Variants in CHMP4C observed in about 807,000 individuals in gnomAD.
CHMP4C encodes SNF7 homolog associated with Alix 3.
Under a neutral mutation model 29.0 loss-of-function variants are expected in CHMP4C, and 28 were observed. That is an observed-to-expected ratio of 0.97 (90% confidence interval 0.72 to 1.32). CHMP4C has a LOEUF of 1.32. Among genes scored for constraint, CHMP4C ranks in the 40% most tolerant of loss-of-function variants. The probability of loss-of-function intolerance (pLI) is 0.00; values close to 1 mark genes in which losing one functional copy is unlikely to be tolerated. For synonymous variants in CHMP4C, 106 were observed against 102.4 expected (o/e 1.04, Z -0.21); for missense variants, 291 against 281.0 (o/e 1.04, Z -0.25).
chr8:81,735,047 C>T (rs924767614), intron 1 of CHMP4C, among the ~76,000 whole-genome samples: 5 of 152,044 alleles, frequency 3.3e-5, no homozygotes, highest in African/African-American at 9.7e-5. Flanking sequence ...GCGTGCACCA[C>T]CATGCCCAGC....
chr8:81,739,151 C>T (rs1443400460), intron 1 of CHMP4C, among the ~76,000 whole-genome samples: 2 of 135,274 alleles, frequency 1.5e-5, no homozygotes, highest in Non-Finnish European at 3.1e-5. Flanking sequence ...GGCTGGAGTA[C>T]AGTGGCCTGA....
At position 81,750,218 on chromosome 8, in the gene CHMP4C, A is replaced by C. The variant is rs543856179; in HGVS notation, c.191-2846A>C. The stretch of plus-strand genomic sequence containing the variant: ...AAGTTAGAAACATAATCTTTTAAAA[A>C]AGGGTAAAAAAGTAGAATGAATATA... On this transcript the variant is annotated intron_variant, in intron 1 of 4. Coordinates refer to ENST00000297265, the MANE Select transcript of CHMP4C (RefSeq NM_152284.4). Among the ~76,000 whole-genome samples, 16 of 152,296 alleles carry C rather than the reference A, an allele frequency of 1.1e-4. 1 individual carries two copies. In the South Asian group the frequency reaches 3.3e-3, roughly 32 times the overall value.
chr8:81,752,919 G>A, intron 1 of CHMP4C, 145 bp from the exon 2 acceptor site: 2 of 533,218 alleles, frequency 3.8e-6, no homozygotes, highest in Non-Finnish European at 6.4e-6. Context: ...AGGACAATAT[G>A]AGTTGTTTAT....
intron 1 of CHMP4C, among the ~76,000 whole-genome samples, chr8:81,752,392 T>A (rs763378246): frequency 1.3e-5 from 2 of 152,152 alleles, no homozygotes; most frequent in Non-Finnish European, 2.9e-5. Flanking sequence ...GTTATCTTGT[T>A]AAAATGTTAA....
rs138129124 is a variant in CHMP4C at position 81,750,853 on chromosome 8, C to G, written c.191-2211C>G. Among the ~76,000 whole-genome samples, 612 of 152,032 alleles carry G rather than the reference C, an allele frequency of 4.0e-3. 23 individuals are homozygous for G. The highest frequency in any genetic ancestry group is 0.036 in the Admixed American group (546 of 15,246). On this transcript the variant is annotated intron_variant, in intron 1 of 4. Transcript: ENST00000297265. ...TGAGCCTTCAGACCGAAAATACTCA[C>G]CGAATGCTCAGTTGGAAAAAGCAAA... is the stretch of plus-strand genomic sequence containing the variant.
At chr8:81,737,732 A>G (rs753453851) in intron 1 of CHMP4C, among the ~76,000 whole-genome samples, 2 of 152,182 alleles carry the variant, frequency 1.3e-5, no homozygotes, top group Non-Finnish European at 2.9e-5. Context: ...CATAATGGCA[A>G]CGATGACATA....
In CHMP4C at chr8:81,743,550, G is replaced by T. The variant is rs189945627; in HGVS notation, c.191-9514G>T. Among the ~76,000 whole-genome samples, 31 of 152,130 alleles carry T rather than the reference G, an allele frequency of 2.0e-4. 1 individual carries two copies. The East Asian group carries it at 5.6e-3, about 27-fold the overall frequency. ...TAAAATAGATTTTAATTAGTGTATT[G>T]GTATGTTGGTCAAATATGTTAATTT... is the stretch of plus-strand genomic sequence containing the variant. On this transcript the variant is annotated intron_variant, in intron 1 of 4. Transcript: ENST00000297265.
chr8:81,748,114 G>T (rs938223203), intron 1 of CHMP4C, among the ~76,000 whole-genome samples: 1 of 152,124 alleles, frequency 6.6e-6, no homozygotes, highest in Non-Finnish European at 1.5e-5. Flanking sequence ...AGAATTCAGC[G>T]ATATTTCTCC....
chr8:81,737,729 G>A (rs1808711186), intron 1 of CHMP4C, among the ~76,000 whole-genome samples: 1 of 152,074 alleles, frequency 6.6e-6, no homozygotes, highest in African/African-American at 2.4e-5. Context: ...CTGCATAATG[G>A]CAACGATGAC....
In CHMP4C at chr8:81,758,635, G is replaced by A; in HGVS notation, c.*91G>A. The A allele has an allele frequency of 1.2e-6, 1 of 847,766 alleles. No homozygotes were observed. The highest frequency in any genetic ancestry group is 1.9e-6 in the Non-Finnish European group (1 of 517,886). The allele number at this position is 847,766 out of a possible 1,614,324, so 52.5% of individuals were successfully genotyped here. On this transcript the variant is annotated 3_prime_UTR_variant, in exon 5 of 5. Transcript: ENST00000297265. ...AAGTTCAGAAGTTAACAAAGACTCTGCTTTATAATTATATTGAATGAATAA... is the reference window on the plus strand; with the variant it reads ...AAGTTCAGAAGTTAACAAAGACTCTACTTTATAATTATATTGAATGAATAA...
At chr8:81,736,410 C>T (rs1488264156) in intron 1 of CHMP4C, among the ~76,000 whole-genome samples, 2 of 152,096 alleles carry the variant, frequency 1.3e-5, no homozygotes, top group Non-Finnish European at 2.9e-5. Context: ...ATTCTCTTGC[C>T]TCATCCTCCC....
intron 3 of CHMP4C, among the ~76,000 whole-genome samples, chr8:81,757,708 C>T (rs1436647685): frequency 6.6e-6 from 1 of 152,174 alleles, no homozygotes; most frequent in Non-Finnish European, 1.5e-5. Flanking sequence ...ATTCCTTTTA[C>T]TTTCTGTACG....
At position 81,752,799 on chromosome 8, in the gene CHMP4C, A is replaced by G. The variant is rs10097287; in HGVS notation, c.191-265A>G. Among the ~76,000 whole-genome samples, 1,506 of 152,248 alleles carry G rather than the reference A, an allele frequency of 9.9e-3. 25 individuals are homozygous for G. The highest frequency in any genetic ancestry group is 0.034 in the African/African-American group (1,422 of 41,556). Reference sequence around the variant, plus strand: ...CATTGACAAAACATTTCTTTGGCATATGTTTTGGAATAGGAAAACTGACTT... The same window carrying G: ...CATTGACAAAACATTTCTTTGGCATGTGTTTTGGAATAGGAAAACTGACTT... On this transcript the variant is annotated intron_variant, in intron 1 of 4. Transcript: ENST00000297265.
rs1554592453 is a variant in CHMP4C, at chr8:81,739,420, G to GC, written c.190+6604_190+6605insC. On this transcript the variant is annotated intron_variant, in intron 1 of 4. Transcript: ENST00000297265. ...GTATTCTAAGGCCTGGGGGATTGTG[G>GC]GGGGGGGTGGAAAAAAAAAAAGTCT... is the stretch of plus-strand genomic sequence containing the variant. Among the ~76,000 whole-genome samples the GC allele has an allele frequency of 2.2e-5, 3 of 135,052 alleles. 1 individual carries two copies. The highest frequency in any genetic ancestry group is 3.2e-5 in the African/African-American group (1 of 30,862). 88.6% of individuals were successfully genotyped at this position (135,052 alleles called of 152,430 possible). A position where few individuals can be genotyped will look rare whatever the true frequency, so the allele number is the denominator to read the frequency against.
intron 1 of CHMP4C, among the ~76,000 whole-genome samples, chr8:81,733,591 G>A (rs774517867): frequency 6.6e-6 from 1 of 151,894 alleles, no homozygotes; most frequent in Non-Finnish European, 1.5e-5. Flanking sequence ...GCACACACAA[G>A]AGACTTTGAG....
intron 1 of CHMP4C, among the ~76,000 whole-genome samples, chr8:81,748,269 C>T (rs1563621312): frequency 6.6e-6 from 1 of 152,170 alleles, no homozygotes; most frequent in Non-Finnish European, 1.5e-5. Context: ...ATTACACAAA[C>T]ACACATGCTG....
intron 1 of CHMP4C, among the ~76,000 whole-genome samples, chr8:81,742,403 T>C (rs1808772567): frequency 6.6e-6 from 1 of 152,214 alleles, no homozygotes; most frequent in Admixed American, 6.5e-5. Flanking sequence ...ATTCTTGATT[T>C]AAAAATTAAA....
intron 1 of CHMP4C, among the ~76,000 whole-genome samples, chr8:81,744,486 G>A (rs1274036310): frequency 2.0e-5 from 3 of 152,100 alleles, no homozygotes; most frequent in Non-Finnish European, 2.9e-5. Context: ...AAAAGAAATG[G>A]TAATGTAAAT....
chr8:81,732,959 G>C (rs533697753), intron 1 of CHMP4C, 143 bp downstream of exon 1: 1 of 708,538 alleles, frequency 1.4e-6, no homozygotes, highest in Non-Finnish European at 2.3e-6. Context: ...GACTCTTAGG[G>C]CACTGACTAG....
Sources: allele counts gnomAD v4.1 joint callset (sites outside exome capture counted in the v4.1 genomes callset), GRCh38; gene constraint gnomAD v4.1.1; transcripts MANE v1.5; gene names NCBI Gene and HGNC (gene_info 2026-07-23, HGNC 2026-07-21).